PTPRM: variants seen among roughly 807,000 people sequenced by gnomAD.
PTPRM encodes the protein receptor-type tyrosine-protein phosphatase mu.
In PTPRM, 47 loss-of-function variants were observed where a neutral mutation model predicts 186.7. The observed-to-expected ratio is 0.25, with a 90% confidence interval of 0.20 to 0.32. The LOEUF (loss-of-function observed/expected upper bound fraction) is 0.32. Among genes scored for constraint, PTPRM ranks in the 10% least tolerant of loss-of-function variants. The probability of loss-of-function intolerance (pLI) is 1.00; values close to 1 mark genes in which losing one functional copy is unlikely to be tolerated. For synonymous variants in PTPRM, 668 were observed against 674.9 expected (o/e 0.99, Z 0.16); for missense variants, 1,494 against 1,865.0 (o/e 0.80, Z 3.66).
At chr18:7,759,563 T>A (rs1240152280) in intron 1 of PTPRM, among the ~76,000 whole-genome samples, 3 of 152,232 alleles carry the variant, frequency 2.0e-5, no homozygotes, top group Non-Finnish European at 4.4e-5. Context: ...TGATACTGTC[T>A]TCTTTTTTTA....
At chr18:8,134,309 C>T (rs939643436) in intron 13 of PTPRM, among the ~76,000 whole-genome samples, 7 of 152,094 alleles carry the variant, frequency 4.6e-5, no homozygotes, top group Admixed American at 3.3e-4. Context: ...TTACAATATC[C>T]GTTCAGTAAA....
At chr18:8,245,017 AC>A (rs1054287476) in intron 15 of PTPRM, among the ~76,000 whole-genome samples, 1 of 152,206 alleles carries the variant, frequency 6.6e-6, no homozygotes, top group Non-Finnish European at 1.5e-5. Flanking sequence ...TATTCCTGTT[AC>A]AAAAAAATAA....
intron 7 of PTPRM, among the ~76,000 whole-genome samples, chr18:7,977,577 C>G (rs1201290613): frequency 6.6e-6 from 1 of 152,158 alleles, no homozygotes; most frequent in Non-Finnish European, 1.5e-5. Flanking sequence ...GATAATGTCT[C>G]TCTTGAGAGC....
intron 1 of PTPRM, among the ~76,000 whole-genome samples, chr18:7,689,272 G>A (rs1032915773): frequency 5.9e-5 from 9 of 152,208 alleles, no homozygotes; most frequent in African/African-American, 2.2e-4. Flanking sequence ...AGAAGAAGGA[G>A]CAGCTGTAGA....
At chr18:8,039,102 A>G (rs376585298) in intron 7 of PTPRM, among the ~76,000 whole-genome samples, 1 of 152,320 alleles carries the variant, frequency 6.6e-6, no homozygotes, top group African/African-American at 2.4e-5. Flanking sequence ...CATTATTAGA[A>G]TATACCAGAT....
At chr18:7,599,704 C>G (rs576710078) in intron 1 of PTPRM, among the ~76,000 whole-genome samples, 1 of 152,284 alleles carries the variant, frequency 6.6e-6, no homozygotes, top group African/African-American at 2.4e-5. Flanking sequence ...CCAGGAGAAT[C>G]TGCCATTTAA....
At chr18:8,370,834 A>G in intron 23 of PTPRM, 56 bp from the exon 24 acceptor site, 3 of 1,033,796 alleles carry the variant, frequency 2.9e-6, no homozygotes, top group South Asian at 1.5e-5. Flanking sequence ...CCATCATGGG[A>G]GGAACTCCAA....
intron 1 of PTPRM, among the ~76,000 whole-genome samples, chr18:7,623,220 C>G (rs2037982454): frequency 6.6e-6 from 1 of 151,782 alleles, no homozygotes; most frequent in Non-Finnish European, 1.5e-5. Context: ...TAAATCTTAC[C>G]TTTTTTTGGA....
At chr18:7,746,150 G>A (rs1303967262) in intron 1 of PTPRM, among the ~76,000 whole-genome samples, 4 of 152,092 alleles carry the variant, frequency 2.6e-5, no homozygotes, top group African/African-American at 9.7e-5. Flanking sequence ...AATTACAAAT[G>A]TTTACAAGAC....
intron 7 of PTPRM, among the ~76,000 whole-genome samples, chr18:7,988,612 CT>C (rs1568139346): frequency 6.6e-6 from 1 of 152,120 alleles, no homozygotes; most frequent in Non-Finnish European, 1.5e-5. Context: ...TATTTTCTTT[CT>C]CTGTGAATAT....
chr18:8,370,224 A>T (rs1327039699), intron 23 of PTPRM, among the ~76,000 whole-genome samples: 1 of 151,970 alleles, frequency 6.6e-6, no homozygotes, highest in Non-Finnish European at 1.5e-5. Flanking sequence ...TGCTAGGAGA[A>T]TTTCAAAAAT....
At chr18:8,279,105 A>C (rs186218118) in intron 19 of PTPRM, among the ~76,000 whole-genome samples, 1,526 of 149,510 alleles carry the variant, frequency 0.01, 9 homozygotes, top group Non-Finnish European at 0.017. Flanking sequence ...TAAACAAAAC[A>C]AAAAAAAACT....
At chr18:7,801,640 T>G (rs1333924387) in intron 2 of PTPRM, among the ~76,000 whole-genome samples, 1 of 152,238 alleles carries the variant, frequency 6.6e-6, no homozygotes, top group East Asian at 1.9e-4. Context: ...TTATGTACTG[T>G]ACATGATGCA....
intron 13 of PTPRM, among the ~76,000 whole-genome samples, chr18:8,141,090 G>A (rs1390456739): frequency 2.6e-5 from 4 of 152,174 alleles, no homozygotes; most frequent in African/African-American, 9.7e-5. Context: ...CCTATTTAAG[G>A]AGAGCCTAAA....
At chr18:8,196,694 T>C (rs769193431) in intron 14 of PTPRM, among the ~76,000 whole-genome samples, 1 of 152,222 alleles carries the variant, frequency 6.6e-6, no homozygotes, top group Non-Finnish European at 1.5e-5. Context: ...TTATCATTTG[T>C]AGGGAGCCCA....
chr18:8,109,867 G>A (rs1468363274), intron 11 of PTPRM, among the ~76,000 whole-genome samples: 1 of 152,140 alleles, frequency 6.6e-6, no homozygotes, highest in Non-Finnish European at 1.5e-5. Flanking sequence ...CACAGCGTTT[G>A]ATTCCCTTAG....
chr18:7,710,620 A>T (rs2040191768), intron 1 of PTPRM, among the ~76,000 whole-genome samples: 1 of 152,224 alleles, frequency 6.6e-6, no homozygotes, highest in African/African-American at 2.4e-5. Flanking sequence ...CTGTTTGCTG[A>T]TGAAATGATT....
At chr18:7,935,001 C>G (rs1216461555) in intron 5 of PTPRM, among the ~76,000 whole-genome samples, 1 of 151,944 alleles carries the variant, frequency 6.6e-6, no homozygotes, top group South Asian at 2.1e-4. Flanking sequence ...TTTGGTCAAC[C>G]TTTCTAGGTG....
chr18:8,261,180 G>T (rs925000561), intron 19 of PTPRM, among the ~76,000 whole-genome samples: 1 of 152,148 alleles, frequency 6.6e-6, no homozygotes, highest in Admixed American at 6.6e-5. Context: ...ATCAGTGCAG[G>T]TTGTTTTCTG....
Sources: gnomAD v4.1 joint callset for allele counts (sites outside exome capture counted in the v4.1 genomes callset) on GRCh38, gnomAD v4.1.1 for gene constraint, MANE v1.5 for transcripts, NCBI Gene and HGNC (gene_info 2026-07-23, HGNC 2026-07-21) for gene names.